Variants in TAF4 observed in about 807,000 individuals in gnomAD.
The protein encoded by TAF4 is TATA-box binding protein associated factor 4.
In TAF4, 9 loss-of-function variants were observed where a neutral mutation model predicts 90.3. The observed-to-expected ratio is 0.10, with a 90% CI of 0.06 to 0.17. The LOEUF is 0.17. TAF4 is among the 10% of genes least tolerant of loss of function. The pLI, the probability that TAF4 is intolerant of heterozygous loss-of-function variation, is 1.00. For synonymous variants in TAF4, 818 were observed against 638.9 expected (o/e 1.28, Z -4.23); for missense variants, 1,351 against 1,370.7 (o/e 0.99, Z 0.23).
intron 9 of TAF4, among the ~76,000 whole-genome samples, chr20:62,002,672 T>C (rs1279435149): frequency 6.6e-6 from 1 of 152,142 alleles, no homozygotes; most frequent in Non-Finnish European, 1.5e-5. Context: ...TTATTTTTTG[T>C]TGTTGTTGAG....
chr20:62,044,863 G>A (rs759927261), intron 1 of TAF4, among the ~76,000 whole-genome samples: 2 of 152,202 alleles, frequency 1.3e-5, no homozygotes, highest in Non-Finnish European at 2.9e-5. Flanking sequence ...GGAAGAGACA[G>A]GCCTGGGACA....
Position 62,029,486 on chromosome 20 carries a change from G to GCGCACACACACA in TAF4, c.1361-14780_1361-14779insTGTGTGTGTGCG, listed in dbSNP as rs148456376. ...GCCCAGTGCCCACGTGCGCGCGCGC[G>GCGCACACACACA]CACACACACACACACACACACTCAT... On this transcript the variant is annotated intron_variant, in intron 1 of 14. Transcript: ENST00000252996. Among the ~76,000 whole-genome samples, 1,340 of 146,160 alleles carry GCGCACACACACA rather than the reference G, an allele frequency of 9.2e-3. 19 individuals are homozygous for GCGCACACACACA. Among genetic ancestry groups the GCGCACACACACA allele is most frequent in the African/African-American group, 0.033 (1,279 of 38,252 alleles).
At position 62,036,219 on chromosome 20, in the gene TAF4, T is replaced by A. The variant is rs1033046804; in HGVS notation, c.1361-21512A>T. ...TTTGTATTTTTAGTAGAGATGGAGT[T>A]TCACCATGTTGGCCAGGCTGGTCTC... On this transcript the variant is annotated intron_variant, in intron 1 of 14. Coordinates refer to ENST00000252996, the MANE Select transcript of TAF4 (RefSeq NM_003185.4). 2.0e-5 allele frequency among the ~76,000 whole-genome samples: 3 copies of A among 152,164 alleles called. No homozygotes were observed. The East Asian group carries it at 5.8e-4, about 29-fold the overall frequency.
chr20:62,000,826 G>A (rs913705565), intron 9 of TAF4, 105 bp from the exon 10 acceptor site: 102 of 1,281,546 alleles, frequency 8.0e-5, no homozygotes, highest in Non-Finnish European at 8.2e-5. Flanking sequence ...AGGGCCGTGA[G>A]GAGGCCAGGC....
At chr20:62,049,186 G>A (rs964954848) in intron 1 of TAF4, among the ~76,000 whole-genome samples, 6 of 151,998 alleles carry the variant, frequency 3.9e-5, no homozygotes, top group South Asian at 2.1e-4. Context: ...GCCCACGCCC[G>A]CCTTCCACAT....
chr20:62,048,910 C>T (rs1329985819), intron 1 of TAF4, among the ~76,000 whole-genome samples: 1 of 147,672 alleles, frequency 6.8e-6, no homozygotes, highest in Non-Finnish European at 1.5e-5. Flanking sequence ...CCTGCATGCC[C>T]ACGTTGGTCA....
Position 61,983,482 on chromosome 20 carries a change from G to A in TAF4, c.3091-7147C>T, listed in dbSNP as rs368343787. Among the ~76,000 whole-genome samples the A allele has an allele frequency of 7.9e-5, 12 of 152,120 alleles. No homozygotes were observed. The East Asian group carries it at 2.1e-3, about 27-fold the overall frequency. On this transcript the variant is annotated intron_variant, in intron 14 of 14. Coordinates refer to ENST00000252996, the MANE Select transcript of TAF4 (RefSeq NM_003185.4). ...TTAAGACCAGCCTGGGCAACATAAC[G>A]AGACCCCATTCCTACAAAATATTTT...
At chr20:62,061,335 C>A (rs1274102944) in intron 1 of TAF4, among the ~76,000 whole-genome samples, 1 of 152,230 alleles carries the variant, frequency 6.6e-6, no homozygotes, top group Non-Finnish European at 1.5e-5. Context: ...GACACACATT[C>A]ACCTGGGAGT....
intron 14 of TAF4, among the ~76,000 whole-genome samples, chr20:61,993,053 G>A (rs1010967266): frequency 4.6e-5 from 7 of 152,156 alleles, no homozygotes; most frequent in African/African-American, 9.7e-5. Context: ...AAACATGCTC[G>A]CGTTTACCCT....
At chr20:62,028,331 G>A (rs2055885744) in intron 1 of TAF4, among the ~76,000 whole-genome samples, 1 of 152,144 alleles carries the variant, frequency 6.6e-6, no homozygotes, top group African/African-American at 2.4e-5. Context: ...AGGTATTTTG[G>A]TAAAAATACT....
rs556236802 is a variant in TAF4 at position 61,979,484 on chromosome 20, A to G, written c.3091-3149T>C. Among the ~76,000 whole-genome samples the G allele has an allele frequency of 5.5e-3, 792 of 144,092 alleles. 1 individual carries two copies. Among genetic ancestry groups the G allele is most frequent in the Non-Finnish European group, 7.1e-3 (472 of 66,236 alleles). The allele number at this position is 144,092 out of a possible 152,430, so 94.5% of individuals were successfully genotyped here. A position where few individuals can be genotyped will look rare whatever the true frequency, so the allele number is the denominator to read the frequency against. ...CAGGCGCCATGGCCACTCCAGAGGG[A>G]CTGCGGCCCGTGCAGGCGCCATGGC... On this transcript the variant is annotated intron_variant, in intron 14 of 14. Transcript: ENST00000252996.
intron 1 of TAF4, 66 bp downstream of exon 1, chr20:62,064,385 T>G (rs1041513139): frequency 7.8e-7 from 1 of 1,275,476 alleles, no homozygotes; most frequent in Admixed American, 4.2e-5. Flanking sequence ...AGCGGAGAAC[T>G]TCCTGGAACT....
intron 1 of TAF4, among the ~76,000 whole-genome samples, chr20:62,037,159 T>C (rs577839518): frequency 1.0e-4 from 15 of 146,744 alleles, no homozygotes; most frequent in Non-Finnish European, 2.1e-4. Context: ...GCTGACATCA[T>C]GTGCGTCATG....
At chr20:61,988,910 C>T (rs1463314955) in intron 14 of TAF4, among the ~76,000 whole-genome samples, 1 of 152,162 alleles carries the variant, frequency 6.6e-6, no homozygotes, top group African/African-American at 2.4e-5. Context: ...CGTTAACACT[C>T]ACATCCAAAG....
chr20:61,983,784 A>G (rs1452999018), intron 14 of TAF4, among the ~76,000 whole-genome samples: 1 of 152,216 alleles, frequency 6.6e-6, no homozygotes, highest in Non-Finnish European at 1.5e-5. Context: ...AAGATTTTCA[A>G]TTCAGCTCAT....
At chr20:62,005,289 G>A (rs1457210778) in intron 7 of TAF4, 1 of 152,288 alleles carries the variant, frequency 6.6e-6, no homozygotes, top group Non-Finnish European at 1.5e-5. Context: ...GCAATGGATT[G>A]GATGCCCTGG....
chr20:62,045,136 G>A (rs2055985908), intron 1 of TAF4, among the ~76,000 whole-genome samples: 1 of 152,244 alleles, frequency 6.6e-6, no homozygotes. Context: ...GGGAGAGACA[G>A]TCTAGCCACA....
At chr20:61,989,142 C>A (rs2055614932) in intron 14 of TAF4, among the ~76,000 whole-genome samples, 1 of 152,132 alleles carries the variant, frequency 6.6e-6, no homozygotes, top group African/African-American at 2.4e-5. Flanking sequence ...CACGAACACA[C>A]AGGACCCCTT....
chr20:62,033,730 T>C (rs1362665335), intron 1 of TAF4, among the ~76,000 whole-genome samples: 4 of 116,010 alleles, frequency 3.4e-5, no homozygotes, highest in South Asian at 2.9e-4. Flanking sequence ...AGAGTGAGAC[T>C]CCGTCTCAAA....
Sources: allele counts gnomAD v4.1 joint callset (sites outside exome capture counted in the v4.1 genomes callset), GRCh38; gene constraint gnomAD v4.1.1; transcripts MANE v1.5; gene names NCBI Gene and HGNC (gene_info 2026-07-23, HGNC 2026-07-21).